The following IMMP2L variants were observed in gnomAD, a reference collection of about 807,000 sequenced individuals.
IMMP2L encodes mitochondrial inner membrane protease subunit 2.
A neutral mutation model predicts 19.3 loss-of-function variants in IMMP2L; 18 were observed. That is an observed-to-expected ratio of 0.93 (90% CI 0.64 to 1.38). The LOEUF (loss-of-function observed/expected upper bound fraction) is 1.38, where lower values mean the gene tolerates loss of function less well. IMMP2L is among the 40% of genes most tolerant of loss of function. The pLI is 0.00. For missense variants in IMMP2L, 233 were observed against 218.2 expected, an observed-to-expected ratio of 1.07 and a Z score of -0.43; for synonymous variants, 76 against 73.0, an observed-to-expected ratio of 1.04 and a Z score of -0.21.
At chr7:111,558,205 A>G (rs1791601663) in intron 1 of IMMP2L, among the ~76,000 whole-genome samples, 1 of 152,116 alleles carries the variant, frequency 6.6e-6, no homozygotes, top group Non-Finnish European at 1.5e-5. Context: ...ACTGAGCAAA[A>G]GACTGCCACC....
intron 1 of IMMP2L, among the ~76,000 whole-genome samples, chr7:111,537,860 T>C (rs1313896065): frequency 1.3e-5 from 2 of 151,930 alleles, no homozygotes; most frequent in African/African-American, 2.4e-5. Flanking sequence ...ACATCATGCT[T>C]CAACCAAACC....
intron 3 of IMMP2L, among the ~76,000 whole-genome samples, chr7:111,113,525 T>C (rs1374597814): frequency 6.6e-6 from 1 of 152,154 alleles, no homozygotes; most frequent in African/African-American, 2.4e-5. Flanking sequence ...ACTTCATTTA[T>C]TTTTTTCTTT....
intron 3 of IMMP2L, among the ~76,000 whole-genome samples, chr7:111,197,437 T>C (rs1050771280): frequency 6.6e-6 from 1 of 152,112 alleles, no homozygotes; most frequent in Non-Finnish European, 1.5e-5. Context: ...TGCTCCAGCC[T>C]GGGCAACAGA....
chr7:110,743,886 C>T (rs951656287), intron 5 of IMMP2L, among the ~76,000 whole-genome samples: 8 of 151,884 alleles, frequency 5.3e-5, no homozygotes, highest in African/African-American at 9.7e-5. Context: ...GTCACAGTGG[C>T]GCCTGGAACA....
intron 3 of IMMP2L, among the ~76,000 whole-genome samples, chr7:111,281,492 C>G (rs1227915648): frequency 1.3e-5 from 2 of 152,100 alleles, no homozygotes; most frequent in Non-Finnish European, 2.9e-5. Context: ...GAAGTCTATA[C>G]TTTATATACT....
In IMMP2L at chr7:111,343,557, T is replaced by C. The variant is rs141893720; in HGVS notation, c.239+143681A>G. Among the ~76,000 whole-genome samples, 635 of 152,184 alleles carry C rather than the reference T, an allele frequency of 4.2e-3. 5 individuals are homozygous for C. Among genetic ancestry groups the C allele is most frequent in the African/African-American group, 0.015 (614 of 41,506 alleles). ...CTTCACTCCTTCAGCAACCACATAG[T>C]GTGTAATGTCCCGTCTTCTCCACTA... On this transcript the variant is annotated intron_variant, in intron 3 of 5. Transcript: ENST00000405709.
intron 3 of IMMP2L, among the ~76,000 whole-genome samples, chr7:111,004,477 A>C (rs974459410): frequency 6.6e-6 from 1 of 152,174 alleles, no homozygotes; most frequent in Non-Finnish European, 1.5e-5. Context: ...TTTAATTCTC[A>C]TAAAGCACTT....
chr7:110,992,014 AC>A, intron 3 of IMMP2L, among the ~76,000 whole-genome samples: 1 of 152,246 alleles, frequency 6.6e-6, no homozygotes. Context: ...TTAAAAAGAA[AC>A]TGCTTGTACC....
intron 3 of IMMP2L, among the ~76,000 whole-genome samples, chr7:111,372,149 T>A (rs1225143168): frequency 6.6e-6 from 1 of 151,852 alleles, no homozygotes; most frequent in Non-Finnish European, 1.5e-5. Flanking sequence ...AAATATAAAA[T>A]ACAAAGGACA....
intron 3 of IMMP2L, among the ~76,000 whole-genome samples, chr7:111,058,170 G>T (rs1157056332): frequency 6.6e-6 from 1 of 151,776 alleles, no homozygotes; most frequent in African/African-American, 2.4e-5. Context: ...ATAGATGCAG[G>T]CACCCCAAAG....
At chr7:111,455,132 C>G (rs1839570145) in intron 3 of IMMP2L, among the ~76,000 whole-genome samples, 1 of 151,770 alleles carries the variant, frequency 6.6e-6, no homozygotes, top group South Asian at 2.1e-4. Flanking sequence ...CAGAATAATA[C>G]AAACAATTCT....
intron 3 of IMMP2L, among the ~76,000 whole-genome samples, chr7:111,224,347 C>T (rs2129621267): frequency 6.6e-6 from 1 of 152,178 alleles, no homozygotes; most frequent in South Asian, 2.1e-4. Context: ...ATGGCCTCAG[C>T]AAATGATGGT....
rs1404616493 is a variant in IMMP2L at position 110,663,155 on chromosome 7, G to A, written c.*447C>T. ...ATCACAATGTAATTCCCATCATTAT[G>A]TGTATAATATGTGTTCCTTCTTGTT... On this transcript the variant is annotated 3_prime_UTR_variant, in exon 6 of 6. Coordinates refer to ENST00000405709, the MANE Select transcript of IMMP2L (RefSeq NM_032549.4). 1 of 172,818 alleles carries A rather than the reference G, an allele frequency of 5.8e-6. No individual in the cohort carries two copies. The highest frequency in any genetic ancestry group is 2.4e-5 in the African/African-American group (1 of 41,520). 10.7% of individuals were successfully genotyped at this position (172,818 alleles called of 1,614,324 possible). A position where few individuals can be genotyped will look rare whatever the true frequency, so the allele number is the denominator to read the frequency against.
chr7:110,669,083 G>A (rs1415805925), intron 5 of IMMP2L, among the ~76,000 whole-genome samples: 7,267 of 101,216 alleles, frequency 0.072, 263 homozygotes, highest in African/African-American at 0.16. Context: ...GTGTGTGTGT[G>A]TGTGTGTATA....
intron 3 of IMMP2L, among the ~76,000 whole-genome samples, chr7:111,022,840 G>A (rs1014345135): frequency 2.0e-4 from 31 of 151,794 alleles, no homozygotes; most frequent in Admixed American, 2.0e-3. Context: ...CTAGAACTCT[G>A]ATCAGAAATA....
At chr7:111,156,659 T>C (rs568942525) in intron 3 of IMMP2L, among the ~76,000 whole-genome samples, 39 of 152,190 alleles carry the variant, frequency 2.6e-4, no homozygotes, top group African/African-American at 8.9e-4. Context: ...AAACTTTTAT[T>C]CTTCCTTAGG....
At chr7:110,850,833 T>G (rs985719307) in intron 5 of IMMP2L, among the ~76,000 whole-genome samples, 3 of 151,850 alleles carry the variant, frequency 2.0e-5, no homozygotes, top group African/African-American at 7.2e-5. Context: ...GAATATATAT[T>G]TATAAATGTA....
At chr7:110,761,358 A>G (rs1798339752) in intron 5 of IMMP2L, among the ~76,000 whole-genome samples, 1 of 152,142 alleles carries the variant, frequency 6.6e-6, no homozygotes, top group Non-Finnish European at 1.5e-5. Context: ...TGTCCTTTCC[A>G]TGACAGAAGA....
rs201251900 is a variant in IMMP2L at position 111,138,724 on chromosome 7, G to GA, written c.240-175160dup. Among the ~76,000 whole-genome samples, 74 of 151,926 alleles carry GA rather than the reference G, an allele frequency of 4.9e-4. 1 individual carries two copies. In the East Asian group the frequency reaches 0.013, roughly 27 times the overall value. ...GCCAATAGATAATTCTATTTTAAAA[G>GA]AAAAAAAATCAGCTGAAGTCCTATT... On this transcript the variant is annotated intron_variant, in intron 3 of 5. Transcript: ENST00000405709.
Sources: allele counts gnomAD v4.1 joint callset (sites outside exome capture counted in the v4.1 genomes callset), GRCh38; gene constraint gnomAD v4.1.1; transcripts MANE v1.5; gene names NCBI Gene and HGNC (gene_info 2026-07-23, HGNC 2026-07-21).